GAS6: variants seen among roughly 807,000 people sequenced by gnomAD.
The protein encoded by GAS6 is growth arrest-specific protein 6.
GAS6 carries 41 observed loss-of-function variants against 75.8 expected under a neutral mutation model. The observed-to-expected ratio is 0.54, with a 90% CI of 0.42 to 0.70. The LOEUF is 0.70. Among genes scored for constraint, GAS6 ranks in the 30% least tolerant of loss-of-function variants. GAS6 has a pLI of 0.00. For synonymous variants in GAS6, 432 were observed against 412.6 expected, an observed-to-expected ratio of 1.05 and a Z score of -0.57; for missense variants, 854 against 940.2, an observed-to-expected ratio of 0.91 and a Z score of 1.20.
chr13:113,862,515 T>C (rs940698587), intron 2 of GAS6, among the ~76,000 whole-genome samples: 5 of 152,216 alleles, frequency 3.3e-5, no homozygotes, highest in African/African-American at 7.2e-5. Flanking sequence ...GCGACCAAGC[T>C]AGGCTGAGCT....
intron 2 of GAS6, among the ~76,000 whole-genome samples, chr13:113,862,494 G>C (rs2051979865): frequency 6.6e-6 from 1 of 152,210 alleles, no homozygotes; most frequent in Non-Finnish European, 1.5e-5. Flanking sequence ...AAAACAGAGA[G>C]GCCGGGGAGA....
Position 113,823,371 on chromosome 13 carries a change from C to G in GAS6, c.1653+4G>C, listed in dbSNP as rs1421956682. 6.2e-7 allele frequency: 1 copy of G among 1,607,660 alleles called. No homozygotes were observed. Among genetic ancestry groups the G allele is most frequent in the East Asian group, 2.2e-5 (1 of 44,704 alleles). ...CAGGACGCCCTGGGTGGCGGAGGCC[C>G]TACCTGCTTCTTGAGTTTCTTCGTG... On this transcript the variant is annotated splice_donor_region_variant and intron_variant, in intron 13 of 14. Transcript: ENST00000327773.
In GAS6 at chr13:113,864,051, G is replaced by T; in HGVS notation, c.-131C>A. On this transcript the variant is annotated 5_prime_UTR_variant, in exon 1 of 15. Transcript: ENST00000327773. ...CATCGCGGCGGCGGCGGCGGCGGCG[G>T]CTGCGGCACCTCAAGCGCTCGGTCT... is the stretch of plus-strand genomic sequence containing the variant. 2.1e-6 allele frequency: 2 copies of T among 937,406 alleles called. No homozygotes were observed. Among genetic ancestry groups the T allele is most frequent in the Non-Finnish European group, 2.6e-6 (2 of 783,282 alleles). The allele number at this position is 937,406 out of a possible 1,614,324, so 58.1% of individuals were successfully genotyped here.
At chr13:113,832,179 G>A in intron 10 of GAS6, 120 bp downstream of exon 10, 1 of 1,165,836 alleles carries the variant, frequency 8.6e-7, no homozygotes, top group Non-Finnish European at 1.2e-6. Flanking sequence ...CGTCCTGCCG[G>A]CACGCAGCAG....
rs772168900 is a variant in GAS6 at position 113,820,953 on chromosome 13, G to A, written c.1948C>T (p.Arg650Trp). Residue 650 changes from arginine (R) to tryptophan (W), a missense_variant, in exon 15 of 15, where the codon CGG becomes TGG. Physicochemically the swap from Arg to Trp is moderately radical, Grantham distance 101. Transcript: ENST00000327773. ...GCCTCGTCCAGGTCCAGCAGCCTCC[G>A]GTTGACCTCCAGTGTCATGCAGCCG... Reference protein sequence around the residue: ...YRGCMTLEVNRRLLDLDEAAY... With the variant: ...YRGCMTLEVNWRLLDLDEAAY... 19 of 1,612,570 alleles carry A rather than the reference G, an allele frequency of 1.2e-5. No individual in the cohort carries two copies. The highest frequency in any genetic ancestry group is 1.7e-4 in the Middle Eastern group (1 of 6,026).
Position 113,828,688 on chromosome 13 carries a change from C to G in GAS6, c.1167G>C (p.Arg389=). Residue 389 remains arginine (R), a synonymous_variant, in exon 11 of 15, where the codon CGG becomes CGC. Coordinates refer to ENST00000327773, the MANE Select transcript of GAS6 (RefSeq NM_000820.4). The part of the protein sequence containing the change: ...WQTISVEELA[R]NLVIKVNRDA... ...CCCTGTTGACCTTGATGACCAGATTCCGCGCCAGCTCCTCAACAGAGATCT... is the reference window on the plus strand; with the variant it reads ...CCCTGTTGACCTTGATGACCAGATTGCGCGCCAGCTCCTCAACAGAGATCT... 6.2e-7 allele frequency: 1 copy of G among 1,613,446 alleles called. No homozygotes were observed. Among genetic ancestry groups the G allele is most frequent in the South Asian group, 1.1e-5 (1 of 91,080 alleles).
chr13:113,839,670 G>C, intron 5 of GAS6, 58 bp downstream of exon 5: 4 of 1,593,886 alleles, frequency 2.5e-6, no homozygotes, highest in Admixed American at 1.7e-5. Flanking sequence ...GAGGAGCGGG[G>C]ATCAGGGCAG....
chr13:113,847,854 AAGAG>A, intron 3 of GAS6, 168 bp downstream of exon 3: 1 of 682,404 alleles, frequency 1.5e-6, no homozygotes, highest in Non-Finnish European at 2.6e-6. Flanking sequence ...GTATAAAATA[AAGAG>A]AGAAACTTGT....
At chr13:113,832,552 T>C in intron 9 of GAS6, 64 bp from the exon 10 acceptor site, 1 of 1,599,418 alleles carries the variant, frequency 6.3e-7, no homozygotes, top group Non-Finnish European at 8.5e-7. Context: ...CCCTCCCTGC[T>C]GGCCGAACCC....
At chr13:113,858,890 T>C (rs1374231301) in intron 2 of GAS6, among the ~76,000 whole-genome samples, 1 of 151,990 alleles carries the variant, frequency 6.6e-6, no homozygotes, top group Non-Finnish European at 1.5e-5. Flanking sequence ...TGTAAGTCTA[T>C]GTGAATGTGT....
At chr13:113,861,272 G>A (rs994099607) in intron 2 of GAS6, among the ~76,000 whole-genome samples, 4 of 152,160 alleles carry the variant, frequency 2.6e-5, no homozygotes, top group South Asian at 4.1e-4. Context: ...GTTAACTAAC[G>A]GCGGCCAGGC....
chr13:113,828,154 C>T, intron 11 of GAS6, among the ~76,000 whole-genome samples: 1 of 152,044 alleles, frequency 6.6e-6, no homozygotes, highest in Non-Finnish European at 1.5e-5. Flanking sequence ...GTCCCAGCTG[C>T]CTGGGAGGCT....
chr13:113,855,181 T>C (rs1444660532), intron 2 of GAS6, among the ~76,000 whole-genome samples: 2 of 152,216 alleles, frequency 1.3e-5, no homozygotes, highest in Non-Finnish European at 2.9e-5. Context: ...TGAGGGCGTC[T>C]CCTGCACACG....
chr13:113,861,062 G>A (rs1460180441), intron 2 of GAS6, among the ~76,000 whole-genome samples: 2 of 151,670 alleles, frequency 1.3e-5, no homozygotes, highest in Non-Finnish European at 2.9e-5. Flanking sequence ...CTGCTGGAAG[G>A]GCTGCACAGC....
intron 14 of GAS6, chr13:113,821,300 T>C: frequency 2.1e-6 from 1 of 480,750 alleles, no homozygotes; most frequent in South Asian, 2.8e-5. Flanking sequence ...CTGTGCCCAG[T>C]GAGTCATTCA....
In GAS6 at chr13:113,826,420, C is replaced by T. The variant is rs1304415764; in HGVS notation, c.1477+576G>A. Among the ~76,000 whole-genome samples the T allele has an allele frequency of 2.2e-5, 3 of 139,370 alleles. 1 individual carries two copies. Among genetic ancestry groups the T allele is most frequent in the East Asian group, 4.6e-4 (2 of 4,328 alleles). 91.4% of individuals were successfully genotyped at this position (139,370 alleles called of 152,430 possible). A position where few individuals can be genotyped will look rare whatever the true frequency, so the allele number is the denominator to read the frequency against. ...GCACCTTCTCTCCCCGGCCTCCCGG[C>T]GCTGGCCTCGCAGGCACCTTCTCTC... On this transcript the variant is annotated intron_variant, in intron 12 of 14. Coordinates refer to ENST00000327773, the MANE Select transcript of GAS6 (RefSeq NM_000820.4).
intron 4 of GAS6, chr13:113,842,675 G>A (rs956915660): frequency 4.5e-5 from 18 of 397,096 alleles, no homozygotes; most frequent in Non-Finnish European, 4.4e-5. Context: ...CAGGCGGCCT[G>A]TGCAGGGCCC....
intron 8 of GAS6, 115 bp from the exon 9 acceptor site, chr13:113,832,867 C>T (rs1438762973): frequency 1.3e-6 from 2 of 1,553,270 alleles, no homozygotes; most frequent in Non-Finnish European, 1.7e-6. Context: ...TCGGGAGTGG[C>T]CACCCCGCCT....
At chr13:113,825,213 A>G (rs1386732971) in intron 12 of GAS6, among the ~76,000 whole-genome samples, 1 of 148,594 alleles carries the variant, frequency 6.7e-6, no homozygotes, top group Non-Finnish European at 1.5e-5. Context: ...CAGTGTGGGC[A>G]ACAAAGGCGA....
Sources: gnomAD v4.1 joint callset for allele counts (sites outside exome capture counted in the v4.1 genomes callset) on GRCh38, gnomAD v4.1.1 for gene constraint, MANE v1.5 for transcripts, NCBI Gene and HGNC (gene_info 2026-07-23, HGNC 2026-07-21) for gene names.